The following SMYD3 variants were observed in gnomAD, a reference collection of about 807,000 sequenced individuals.
SMYD3 encodes the protein SET and MYND domain containing 3.
In SMYD3, 36 loss-of-function variants were observed where a neutral mutation model predicts 57.7. The observed-to-expected ratio is 0.62, with a 90% CI of 0.48 to 0.82. The LOEUF (loss-of-function observed/expected upper bound fraction) is 0.82. Ranked by LOEUF, SMYD3 falls within the 40% of genes least tolerant of loss-of-function variation. The pLI, the probability that SMYD3 is intolerant of heterozygous loss-of-function variation, is 0.00. For missense variants in SMYD3, 515 were observed against 538.8 expected (o/e 0.96, Z 0.44); for synonymous variants, 211 against 195.0 (o/e 1.08, Z -0.68).
chr1:246,206,824 A>G (rs1262879801), intron 5 of SMYD3, among the ~76,000 whole-genome samples: 1 of 152,238 alleles, frequency 6.6e-6, no homozygotes, highest in East Asian at 1.9e-4. Flanking sequence ...CTTTAGAGTA[A>G]TCATATTAAA....
intron 5 of SMYD3, among the ~76,000 whole-genome samples, chr1:245,977,910 A>G (rs1163899085): frequency 1.3e-5 from 2 of 152,140 alleles, no homozygotes; most frequent in Non-Finnish European, 2.9e-5. Context: ...TATACACAGC[A>G]TATCTGTGAG....
At chr1:246,238,756 T>C (rs1193202030) in intron 5 of SMYD3, among the ~76,000 whole-genome samples, 1 of 152,188 alleles carries the variant, frequency 6.6e-6, no homozygotes, top group Non-Finnish European at 1.5e-5. Context: ...TATTATTTCA[T>C]ATAAGAAGCC....
intron 1 of SMYD3, among the ~76,000 whole-genome samples, chr1:246,425,739 A>C (rs1157208918): frequency 1.3e-5 from 2 of 152,152 alleles, no homozygotes. Flanking sequence ...AGCTCTTTAC[A>C]GGTGCTTCCT....
chr1:246,000,903 C>G (rs139553216), intron 5 of SMYD3, among the ~76,000 whole-genome samples: 1 of 152,348 alleles, frequency 6.6e-6, no homozygotes, highest in Non-Finnish European at 1.5e-5. Flanking sequence ...CAGAAGATCA[C>G]ATTTCTACAT....
intron 1 of SMYD3, among the ~76,000 whole-genome samples, chr1:246,365,323 CA>C (rs74386969): frequency 1.3e-3 from 169 of 129,758 alleles, no homozygotes; most frequent in Admixed American, 1.7e-3. Context: ...CTCATTTCTA[CA>C]AAAAAAAAAA....
intron 5 of SMYD3, among the ~76,000 whole-genome samples, chr1:246,073,836 G>T (rs2060499168): frequency 6.6e-6 from 1 of 152,090 alleles, no homozygotes; most frequent in Admixed American, 6.6e-5. Flanking sequence ...CTCCATAGAG[G>T]TACTGGAAAG....
chr1:245,925,086 A>G (rs995882774), intron 7 of SMYD3, among the ~76,000 whole-genome samples: 1 of 152,184 alleles, frequency 6.6e-6, no homozygotes, highest in Non-Finnish European at 1.5e-5. Context: ...TCTGACACTC[A>G]GATCCCAAAT....
intron 5 of SMYD3, among the ~76,000 whole-genome samples, chr1:246,183,032 CCTTTAA>C (rs1405846708): frequency 6.6e-6 from 1 of 152,074 alleles, no homozygotes; most frequent in Admixed American, 6.6e-5. Context: ...AATTGTAACC[CCTTTAA>C]CTTTATCTTC....
intron 5 of SMYD3, among the ~76,000 whole-genome samples, chr1:246,053,949 T>A (rs2060105541): frequency 6.6e-6 from 1 of 152,072 alleles, no homozygotes; most frequent in African/African-American, 2.4e-5. Flanking sequence ...AATTAAAAAC[T>A]TCGGCTCTTC....
At chr1:246,018,420 A>C (rs966030146) in intron 5 of SMYD3, among the ~76,000 whole-genome samples, 3 of 152,196 alleles carry the variant, frequency 2.0e-5, no homozygotes, top group Non-Finnish European at 4.4e-5. Context: ...TCCACAGTCA[A>C]GGCACTCAAC....
chr1:245,774,063 AACGC>A (rs2046440665), intron 10 of SMYD3, among the ~76,000 whole-genome samples: 1 of 152,160 alleles, frequency 6.6e-6, no homozygotes, highest in Non-Finnish European at 1.5e-5. Flanking sequence ...AACAATGTAG[AACGC>A]TCGATGAAAT....
chr1:245,918,689 T>A (rs1267370817), intron 7 of SMYD3, among the ~76,000 whole-genome samples: 2 of 152,254 alleles, frequency 1.3e-5, no homozygotes, highest in African/African-American at 2.4e-5. Flanking sequence ...GGACAGTAGA[T>A]AGATTCATCT....
At position 245,792,861 on chromosome 1, in the gene SMYD3, G is replaced by A. The variant is rs145863163; in HGVS notation, c.1077-28712C>T. Among the ~76,000 whole-genome samples the A allele has an allele frequency of 2.0e-5, 3 of 152,068 alleles. 1 individual carries two copies. Among genetic ancestry groups the A allele is most frequent in the South Asian group, 4.1e-4 (2 of 4,822 alleles). On this transcript the variant is annotated intron_variant, in intron 10 of 11. Coordinates refer to ENST00000490107, the MANE Select transcript of SMYD3 (RefSeq NM_001167740.2). ...TCGGGATTTTATGCTGGCTCAGCTC[G>A]GTCATCTCAGTGGCTGCTGCCATCC...
At chr1:246,358,754 T>A (rs1003554070) in intron 1 of SMYD3, among the ~76,000 whole-genome samples, 20 of 152,152 alleles carry the variant, frequency 1.3e-4, no homozygotes, top group African/African-American at 4.6e-4. Context: ...ATTTAAAAAG[T>A]CTTTGAACTG....
intron 5 of SMYD3, among the ~76,000 whole-genome samples, chr1:246,098,836 A>C (rs1016399400): frequency 6.6e-6 from 1 of 152,234 alleles, no homozygotes; most frequent in African/African-American, 2.4e-5. Flanking sequence ...TCACACACAC[A>C]CATTTGTAAT....
intron 10 of SMYD3, among the ~76,000 whole-genome samples, chr1:245,806,484 C>T (rs1340069138): frequency 1.3e-5 from 2 of 152,072 alleles, no homozygotes. Flanking sequence ...ATGGAGTTGC[C>T]GCAGAAACCT....
intron 10 of SMYD3, among the ~76,000 whole-genome samples, chr1:245,833,292 G>T (rs964575370): frequency 6.6e-6 from 1 of 152,100 alleles, no homozygotes; most frequent in East Asian, 1.9e-4. Flanking sequence ...GCTTTACTTA[G>T]ATTTCACCCG....
chr1:246,297,447 T>C (rs1338371690), intron 5 of SMYD3, among the ~76,000 whole-genome samples: 1 of 152,118 alleles, frequency 6.6e-6, no homozygotes, highest in Non-Finnish European at 1.5e-5. Context: ...AATGGGTTAA[T>C]GAGTTAGCAG....
chr1:246,079,027 TTAGAG>T (rs1572988848), intron 5 of SMYD3, among the ~76,000 whole-genome samples: 1 of 152,210 alleles, frequency 6.6e-6, no homozygotes, highest in African/African-American at 2.4e-5. Flanking sequence ...TTTTTTTTTT[TTAGAG>T]TAAAGTGAAA....
Sources: gnomAD v4.1 joint callset for allele counts (sites outside exome capture counted in the v4.1 genomes callset) on GRCh38, gnomAD v4.1.1 for gene constraint, MANE v1.5 for transcripts, NCBI Gene and HGNC (gene_info 2026-07-23, HGNC 2026-07-21) for gene names.